The following CAMTA1 variants were observed in gnomAD, a reference collection of about 807,000 sequenced individuals.
CAMTA1 encodes calmodulin-binding transcription activator 1.
Under a neutral mutation model 170.9 loss-of-function variants are expected in CAMTA1, and 27 were observed. That is an observed-to-expected ratio of 0.16 (90% confidence interval 0.12 to 0.22). The LOEUF is 0.22. CAMTA1 is among the 10% of genes least tolerant of loss of function. CAMTA1 has a pLI of 1.00. For missense variants in CAMTA1, 1,619 were observed against 2,217.2 expected (o/e 0.73, Z 5.42); for synonymous variants, 833 against 891.5 (o/e 0.93, Z 1.17).
In CAMTA1 at chr1:7,325,007, G is replaced by T. The variant is rs918050689; in HGVS notation, c.438+75381G>T. Among the ~76,000 whole-genome samples, 1 of 152,010 alleles carries T rather than the reference G, an allele frequency of 6.6e-6. No homozygotes were observed. Among genetic ancestry groups the T allele is most frequent in the Non-Finnish European group, 1.5e-5 (1 of 68,020 alleles). ...ACTAATGTGTTCTTTCTGTGAAGAC[G>T]TTGATTATATCTTGATTTTCTATAC... On this transcript the variant is annotated intron_variant, in intron 5 of 22. Transcript: ENST00000303635. This position sits in a 1 kb window ranked among gnomAD's most constrained non-coding sequence, Gnocchi z 5.0.
rs1238479098 is a variant in CAMTA1, at chr1:7,333,206, TGGACAG to T, written c.438+83584_438+83589del. Among the ~76,000 whole-genome samples the T allele has an allele frequency of 6.6e-6, 1 of 152,204 alleles. No individual in the cohort carries two copies. The highest frequency in any genetic ancestry group is 1.5e-5 in the Non-Finnish European group (1 of 68,032). On this transcript the variant is annotated intron_variant, in intron 5 of 22. Coordinates refer to ENST00000303635, the MANE Select transcript of CAMTA1 (RefSeq NM_015215.4). The surrounding 1 kb of genome is among the most constrained non-coding windows in gnomAD (Gnocchi z 4.4). ...TGATGTCGCCCTTCTCTGCAGTTTT[TGGACAG>T]GGATAGCAAACATGTCAGAGGATGA... is the stretch of plus-strand genomic sequence containing the variant.
At chr1:7,717,590 A>G (rs534949980) in intron 11 of CAMTA1, among the ~76,000 whole-genome samples, 1 of 152,204 alleles carries the variant, frequency 6.6e-6, no homozygotes, top group African/African-American at 2.4e-5. Context: ...TACCAAAAAT[A>G]CAAAAAATTA....
At chr1:7,223,591 G>A (rs1329890302) in intron 4 of CAMTA1, among the ~76,000 whole-genome samples, 1 of 152,170 alleles carries the variant, frequency 6.6e-6, no homozygotes, top group African/African-American at 2.4e-5. Flanking sequence ...TCGTCAACAG[G>A]TGAGTGCCTG....
rs541297279 is a variant in CAMTA1, at chr1:7,623,749, C to T, written c.511-16651C>T. 1.4e-3 allele frequency among the ~76,000 whole-genome samples: 214 copies of T among 152,326 alleles called. 1 individual carries two copies. Among genetic ancestry groups the T allele is most frequent in the African/African-American group, 4.8e-3 (201 of 41,566 alleles). ...CTGACCTCAGGTGTTCCGCCCGCCT[C>T]GGCCTCCCGAGGTGCTGGGATTACA... is the stretch of plus-strand genomic sequence containing the variant. On this transcript the variant is annotated intron_variant, in intron 6 of 22. Coordinates refer to ENST00000303635, the MANE Select transcript of CAMTA1 (RefSeq NM_015215.4).
intron 6 of CAMTA1, among the ~76,000 whole-genome samples, chr1:7,515,893 C>T (rs2094278465): frequency 6.6e-6 from 1 of 152,234 alleles, no homozygotes; most frequent in Non-Finnish European, 1.5e-5. Flanking sequence ...TGATTTCAGC[C>T]TCTGAGTGGG....
At chr1:7,706,023 C>T (rs917908440) in intron 11 of CAMTA1, among the ~76,000 whole-genome samples, 8 of 151,894 alleles carry the variant, frequency 5.3e-5, no homozygotes, top group Non-Finnish European at 2.9e-5. Flanking sequence ...CTTTTTCGAT[C>T]TCTGTAGATT....
intron 3 of CAMTA1, among the ~76,000 whole-genome samples, chr1:6,833,237 C>T (rs1243100300): frequency 6.6e-6 from 1 of 152,142 alleles, no homozygotes; most frequent in Non-Finnish European, 1.5e-5. Context: ...GTGGGTCTTC[C>T]TCAGTTTCAA....
chr1:6,844,860 A>G (rs1030552504), intron 3 of CAMTA1, among the ~76,000 whole-genome samples: 3 of 152,204 alleles, frequency 2.0e-5, no homozygotes, highest in East Asian at 1.9e-4. Context: ...CAAAGAGTCA[A>G]TGCTAAGCTA....
At chr1:6,963,717 G>C (rs991096543) in intron 3 of CAMTA1, among the ~76,000 whole-genome samples, 2 of 152,196 alleles carry the variant, frequency 1.3e-5, no homozygotes, top group Admixed American at 6.5e-5. Context: ...ACCTGGCTGG[G>C]GGGGCGCGCT....
At chr1:6,919,696 C>G (rs1482733281) in intron 3 of CAMTA1, among the ~76,000 whole-genome samples, 1 of 152,210 alleles carries the variant, frequency 6.6e-6, no homozygotes, top group East Asian at 1.9e-4. Context: ...ATTGGACTCA[C>G]AGTTCTACGT....
chr1:7,446,986 G>A (rs1287943286), intron 5 of CAMTA1, among the ~76,000 whole-genome samples: 1 of 152,194 alleles, frequency 6.6e-6, no homozygotes, highest in Non-Finnish European at 1.5e-5. Flanking sequence ...GGGGTCTGCA[G>A]GAGGGTCTCA....
intron 4 of CAMTA1, among the ~76,000 whole-genome samples, chr1:7,097,247 C>T (rs983030001): frequency 6.6e-6 from 1 of 152,210 alleles, no homozygotes; most frequent in African/African-American, 2.4e-5. Flanking sequence ...TCATGCTGTC[C>T]CTTTTATCTC....
At chr1:7,468,825 C>T (rs1163676090) in intron 6 of CAMTA1, among the ~76,000 whole-genome samples, 1 of 152,118 alleles carries the variant, frequency 6.6e-6, no homozygotes, top group Non-Finnish European at 1.5e-5. Flanking sequence ...TCTGACCTGG[C>T]GGGGGTGTAG....
At chr1:7,545,786 C>T (rs1379814431) in intron 6 of CAMTA1, among the ~76,000 whole-genome samples, 2 of 152,102 alleles carry the variant, frequency 1.3e-5, no homozygotes, top group African/African-American at 4.8e-5. Flanking sequence ...ATCAACCCAT[C>T]ATTTAGCTAT....
intron 3 of CAMTA1, among the ~76,000 whole-genome samples, chr1:6,897,032 G>T (rs989703836): frequency 6.6e-6 from 1 of 152,176 alleles, no homozygotes; most frequent in African/African-American, 2.4e-5. Flanking sequence ...GAGGATTTCA[G>T]TTGCTTTTGA....
chr1:7,638,444 C>A (rs1280182939), intron 6 of CAMTA1, among the ~76,000 whole-genome samples: 2 of 152,140 alleles, frequency 1.3e-5, no homozygotes, highest in African/African-American at 4.8e-5. Flanking sequence ...AGTTCGAGAC[C>A]AGCCTGACCA....
At chr1:6,897,352 A>T (rs1259907113) in intron 3 of CAMTA1, among the ~76,000 whole-genome samples, 1 of 152,180 alleles carries the variant, frequency 6.6e-6, no homozygotes, top group Non-Finnish European at 1.5e-5. Flanking sequence ...CAAGCTGCTG[A>T]GCCACTGTGT....
At position 7,499,692 on chromosome 1, in the gene CAMTA1, G is replaced by A. The variant is rs547229033; in HGVS notation, c.510+31791G>A. 3.8e-4 allele frequency among the ~76,000 whole-genome samples: 55 copies of A among 143,046 alleles called. 2 individuals are homozygous for A. The highest frequency in any genetic ancestry group is 1.0e-3 in the African/African-American group (39 of 38,240). 93.8% of individuals were successfully genotyped at this position (143,046 alleles called of 152,430 possible). ...ATGAGTGTGTGTGAACCTGGTGTGC[G>A]TGCATATGTATATGAGTGTGTGTGT... On this transcript the variant is annotated intron_variant, in intron 6 of 22. Transcript: ENST00000303635.
At chr1:6,806,750 T>G (rs919740897) in intron 1 of CAMTA1, among the ~76,000 whole-genome samples, 2 of 152,222 alleles carry the variant, frequency 1.3e-5, no homozygotes, top group African/African-American at 4.8e-5. Flanking sequence ...TTAATATACA[T>G]TCTGGTTAAT....
Sources: gnomAD v4.1 joint callset for allele counts (sites outside exome capture counted in the v4.1 genomes callset) on GRCh38, gnomAD v4.1.1 for gene constraint, Gnocchi (gnomAD v3.1) non-coding constraint, MANE v1.5 for transcripts, NCBI Gene and HGNC (gene_info 2026-07-23, HGNC 2026-07-21) for gene names.